Variants in YWHAZ observed in about 807,000 individuals in gnomAD.
YWHAZ encodes tyrosine 3-monooxygenase/tryptophan 5-monooxygenase activation protein zeta.
For missense variants in YWHAZ, 79 were observed against 284.8 expected, an observed-to-expected ratio of 0.28 and a Z score of 5.20; for synonymous variants, 87 against 103.6, an observed-to-expected ratio of 0.84 and a Z score of 0.97.
intron 2 of YWHAZ, among the ~76,000 whole-genome samples, chr8:100,941,022 A>C (rs1809809713): frequency 6.7e-6 from 1 of 149,454 alleles, no homozygotes; most frequent in Admixed American, 6.6e-5. Context: ...CTGGGAAGGA[A>C]AAGTCGTTAC....
upstream of YWHAZ, chr8:100,952,767 C>CCCGCCCGCCGCT (rs1238300119): frequency 6.6e-5 from 66 of 997,124 alleles, no homozygotes; most frequent in Non-Finnish European, 7.7e-5. Context: ...TGCCCCCCGC[C>CCCGCCCGCCGCT]CCGCCCGCCG....
intron 2 of YWHAZ, among the ~76,000 whole-genome samples, chr8:100,939,334 A>G (rs747424165): frequency 6.6e-6 from 1 of 152,124 alleles, no homozygotes; most frequent in Non-Finnish European, 1.5e-5. Flanking sequence ...CATGAATGCT[A>G]GCAAAATAAT....
chr8:100,948,102 G>A lies in YWHAZ; in HGVS notation c.294+494C>T, dbSNP rs1810441721. On this transcript the variant is annotated intron_variant, in intron 2 of 5. Transcript: ENST00000395958. This position sits in a 1 kb window ranked among gnomAD's most constrained non-coding sequence, Gnocchi z 4.2. ...CTTCAAGAATTCAATGCAGGAAGAG[G>A]TTTCATAGTTGTGACGCCAGAGTTT... The A allele has an allele frequency of 1.3e-6, 2 of 1,534,870 alleles. No homozygotes were observed. The highest frequency in any genetic ancestry group is 1.7e-6 in the Non-Finnish European group (2 of 1,146,656).
rs1303405002 is a variant in YWHAZ at position 100,917,040 on chromosome 8, C to T, written c.*3653G>A. ...AGCCAAATTTATTTCTTGACCTTTC[C>T]CTAGAGGAATGTGTAAGACCATCAT... On this transcript the variant is annotated 3_prime_UTR_variant, in exon 6 of 6. Coordinates refer to ENST00000395958, the MANE Select transcript of YWHAZ (RefSeq NM_145690.3). 6.6e-6 allele frequency: 1 copy of T among 150,610 alleles called. No individual in the cohort carries two copies. The highest frequency in any genetic ancestry group is 1.5e-5 in the Non-Finnish European group (1 of 68,016). 9.3% of individuals were successfully genotyped at this position (150,610 alleles called of 1,614,324 possible). A position where few individuals can be genotyped will look rare whatever the true frequency, so the allele number is the denominator to read the frequency against.
chr8:100,926,499 C>T (rs893075432), intron 2 of YWHAZ, among the ~76,000 whole-genome samples: 4 of 152,078 alleles, frequency 2.6e-5, no homozygotes, highest in Non-Finnish European at 4.4e-5. Flanking sequence ...GGCGTGGTGA[C>T]GGGCGCCTGT....
upstream of YWHAZ, chr8:100,952,957 G>A (rs893424177): frequency 4.0e-6 from 4 of 1,000,588 alleles, no homozygotes; most frequent in African/African-American, 5.2e-5. Context: ...CCAATCGAGA[G>A]CGCGGGATCT....
At position 100,948,214 on chromosome 8, in the gene YWHAZ, C is replaced by T; in HGVS notation, c.294+382G>A. On this transcript the variant is annotated intron_variant, in intron 2 of 5. Coordinates refer to ENST00000395958, the MANE Select transcript of YWHAZ (RefSeq NM_145690.3). This position sits in a 1 kb window ranked among gnomAD's most constrained non-coding sequence, Gnocchi z 4.2. ...CTACAATGAGTATCCTATTACATCT[C>T]TCTTACCTAAAGTATGTAAAATTCC... The T allele has an allele frequency of 7.5e-7, 1 of 1,326,876 alleles. No individual in the cohort carries two copies. The highest frequency in any genetic ancestry group is 1.0e-6 in the Non-Finnish European group (1 of 981,974). 82.2% of individuals were successfully genotyped at this position (1,326,876 alleles called of 1,614,324 possible).
chr8:100,947,766 C>T (rs1478943204), intron 2 of YWHAZ, among the ~76,000 whole-genome samples: 1 of 152,176 alleles, frequency 6.6e-6, no homozygotes, highest in Non-Finnish European at 1.5e-5. Context: ...GATGCTGCCC[C>T]TCTTTGTATA....
At chr8:100,920,886 T>G in intron 5 of YWHAZ, 134 bp from the exon 6 acceptor site, 1 of 767,146 alleles carries the variant, frequency 1.3e-6, no homozygotes, top group Non-Finnish European at 2.2e-6. Context: ...ATCACTTAGC[T>G]TCAAGATACA....
rs1181387423 is a variant in YWHAZ at position 100,919,456 on chromosome 8, AG to A, written c.*1236del. ...TTTCTAATCAATCCCCCCCTCTCCCAGAAAAAATAGGAACTCATTTTTTTCA... is the reference window on the plus strand; with the variant it reads ...TTTCTAATCAATCCCCCCCTCTCCCAAAAAAATAGGAACTCATTTTTTTCA... On this transcript the variant is annotated 3_prime_UTR_variant, in exon 6 of 6. Transcript: ENST00000395958. 6.6e-6 allele frequency: 1 copy of A among 152,494 alleles called. No individual in the cohort carries two copies. The highest frequency in any genetic ancestry group is 2.4e-5 in the African/African-American group (1 of 41,454). 9.4% of individuals were successfully genotyped at this position (152,494 alleles called of 1,614,324 possible). A position where few individuals can be genotyped will look rare whatever the true frequency, so the allele number is the denominator to read the frequency against.
rs916001787 is a variant in YWHAZ at position 100,950,662 on chromosome 8, G to A, written c.-12+1267C>T. On this transcript the variant is annotated intron_variant, in intron 1 of 5. Coordinates refer to ENST00000395958, the MANE Select transcript of YWHAZ (RefSeq NM_145690.3). ...CCGCGCCCCCGCCCAAGCCGTGGGG[G>A]GGGGGGAGAGATGGGGAGCGAAGCC... The A allele has an allele frequency of 7.6e-5, 69 of 908,310 alleles. 2 individuals are homozygous for A. In the Admixed American group the frequency reaches 2.5e-3, roughly 33 times the overall value. The allele number at this position is 908,310 out of a possible 1,614,324, so 56.3% of individuals were successfully genotyped here.
At chr8:100,932,858 A>T (rs1392266288) in intron 2 of YWHAZ, among the ~76,000 whole-genome samples, 2 of 152,176 alleles carry the variant, frequency 1.3e-5, no homozygotes, top group African/African-American at 4.8e-5. Flanking sequence ...TTTCAGATTC[A>T]AGGACATTAA....
intron 2 of YWHAZ, among the ~76,000 whole-genome samples, chr8:100,935,403 G>A (rs1056530532): frequency 2.6e-5 from 4 of 152,142 alleles, no homozygotes; most frequent in African/African-American, 9.7e-5. Flanking sequence ...CATCAAGAGT[G>A]TATTACCTTA....
At chr8:100,944,028 G>A (rs544790287) in intron 2 of YWHAZ, among the ~76,000 whole-genome samples, 7 of 151,396 alleles carry the variant, frequency 4.6e-5, no homozygotes, top group African/African-American at 1.7e-4. Flanking sequence ...AAAAGACACT[G>A]TCCAATTTTT....
upstream of YWHAZ, chr8:100,952,168 C>T (rs1175079513): frequency 1.1e-5 from 11 of 984,824 alleles, no homozygotes; most frequent in Non-Finnish European, 1.1e-5. Flanking sequence ...CGATCGGGGC[C>T]CCGCGTAACC....
rs1563661969 is a variant in YWHAZ, at chr8:100,918,441, T to TATATATATATATATATATAA, written c.*2251_*2252insTTATATATATATATATATAT. The TATATATATATATATATATAA allele has an allele frequency of 9.1e-5, 11 of 120,816 alleles. No individual in the cohort carries two copies. Among genetic ancestry groups the TATATATATATATATATATAA allele is most frequent in the Admixed American group, 8.5e-5 (1 of 11,784 alleles). 7.5% of individuals were successfully genotyped at this position (120,816 alleles called of 1,614,324 possible). A position where few individuals can be genotyped will look rare whatever the true frequency, so the allele number is the denominator to read the frequency against. On this transcript the variant is annotated 3_prime_UTR_variant, in exon 6 of 6. Transcript: ENST00000395958. The stretch of plus-strand genomic sequence containing the variant: ...ATATATATATATATATATATATATA[T>TATATATATATATATATATAA]ATAATTATTTTACCTCCTTGGCTTG...
intron 2 of YWHAZ, among the ~76,000 whole-genome samples, chr8:100,946,342 G>C (rs1486924645): frequency 6.6e-6 from 1 of 152,144 alleles, no homozygotes; most frequent in Non-Finnish European, 1.5e-5. Context: ...AGTTAGACGT[G>C]ACCTGGTCAC....
In YWHAZ at chr8:100,924,379, C is replaced by T. The variant is rs1813221052; in HGVS notation, c.419-81G>A. On this transcript the variant is annotated intron_variant, in intron 3 of 5. Coordinates refer to ENST00000395958, the MANE Select transcript of YWHAZ (RefSeq NM_145690.3). This position sits in a 1 kb window ranked among gnomAD's most constrained non-coding sequence, Gnocchi z 5.7. ...CTCAAACCAAACCTTTAATATCTCACATATCCTTTGAAATACTAACCTGTA... is the reference window on the plus strand; with the variant it reads ...CTCAAACCAAACCTTTAATATCTCATATATCCTTTGAAATACTAACCTGTA... 7.2e-7 allele frequency: 1 copy of T among 1,394,978 alleles called. No homozygotes were observed. Among genetic ancestry groups the T allele is most frequent in the Non-Finnish European group, 9.7e-7 (1 of 1,034,814 alleles). The allele number at this position is 1,394,978 out of a possible 1,614,324, so 86.4% of individuals were successfully genotyped here.
intron 5 of YWHAZ, 68 bp from the exon 6 acceptor site, chr8:100,920,820 A>G: frequency 8.6e-7 from 1 of 1,169,312 alleles, no homozygotes; most frequent in South Asian, 1.2e-5. Context: ...GTTTTCATAT[A>G]AGTGCCAAGA....
Sources: allele counts gnomAD v4.1 joint callset (sites outside exome capture counted in the v4.1 genomes callset), GRCh38; gene constraint gnomAD v4.1.1; non-coding constraint Gnocchi (gnomAD v3.1); transcripts MANE v1.5; gene names NCBI Gene and HGNC (gene_info 2026-07-23, HGNC 2026-07-21).